The following PLXDC2 variants were observed in gnomAD, a reference collection of about 807,000 sequenced individuals.
PLXDC2 encodes plexin domain containing 2.
PLXDC2 carries 40 observed loss-of-function variants against 68.9 expected under a neutral mutation model. The observed-to-expected ratio is 0.58, with a 90% CI of 0.45 to 0.76. The LOEUF is 0.76. Among genes scored for constraint, PLXDC2 ranks in the 30% least tolerant of loss-of-function variants. The pLI, the probability that PLXDC2 is intolerant of heterozygous loss-of-function variation, is 0.00. For missense variants in PLXDC2, 644 were observed against 661.9 expected, an observed-to-expected ratio of 0.97 and a Z score of 0.30; for synonymous variants, 243 against 234.2, an observed-to-expected ratio of 1.04 and a Z score of -0.34.
rs563843802 is a variant in PLXDC2, at chr10:19,950,868, G to A, written c.113-50907G>A. Reference sequence around the variant, plus strand: ...GCCACATACCTACAACCATCTAATTGTTGACAGAGTTGACAGAAATAAGCA... The same window carrying A: ...GCCACATACCTACAACCATCTAATTATTGACAGAGTTGACAGAAATAAGCA... On this transcript the variant is annotated intron_variant, in intron 1 of 13. Coordinates refer to ENST00000377252, the MANE Select transcript of PLXDC2 (RefSeq NM_032812.9). Among the ~76,000 whole-genome samples the A allele has an allele frequency of 2.6e-5, 4 of 152,228 alleles. No individual in the cohort carries two copies. In the South Asian group the frequency reaches 8.3e-4, roughly 32 times the overall value.
rs988203138 is a variant in PLXDC2, at chr10:20,218,993, C to T, written c.1274-71C>T. The T allele has an allele frequency of 3.3e-6, 5 of 1,524,446 alleles. No homozygotes were observed. In the Admixed American group the frequency reaches 7.6e-5, roughly 23 times the overall value. 94.4% of individuals were successfully genotyped at this position (1,524,446 alleles called of 1,614,324 possible). On this transcript the variant is annotated intron_variant, in intron 11 of 13. Transcript: ENST00000377252. Reference sequence around the variant, plus strand: ...GACCAAGGCAGTTAGTAGACAATTACTAGTCATAAGATTTATGCTCCTTTG... The same window carrying T: ...GACCAAGGCAGTTAGTAGACAATTATTAGTCATAAGATTTATGCTCCTTTG...
chr10:20,176,976 AT>A (rs750410330), intron 7 of PLXDC2, 22 bp from the exon 8 acceptor site: 28 of 1,534,602 alleles, frequency 1.8e-5, no homozygotes, highest in African/African-American at 4.1e-5. Flanking sequence ...TTAAAAATTG[AT>A]TTTTTTTCCT....
chr10:19,889,294 A>G (rs1416705814), intron 1 of PLXDC2, among the ~76,000 whole-genome samples: 4 of 151,936 alleles, frequency 2.6e-5, no homozygotes, highest in Admixed American at 2.0e-4. Flanking sequence ...TATTTCTCTT[A>G]ATGACCATGT....
At chr10:20,150,078 T>C (rs1177537840) in intron 6 of PLXDC2, among the ~76,000 whole-genome samples, 1 of 152,202 alleles carries the variant, frequency 6.6e-6, no homozygotes, top group Non-Finnish European at 1.5e-5. Flanking sequence ...TTGCAATAGA[T>C]GAACCTACAT....
chr10:20,224,764 C>CA (rs1410344201), intron 12 of PLXDC2, among the ~76,000 whole-genome samples: 11 of 152,184 alleles, frequency 7.2e-5, no homozygotes, highest in African/African-American at 2.2e-4. Flanking sequence ...ATCAAAATAC[C>CA]AAAAACTGCA....
chr10:20,006,207 G>A (rs1207068650), intron 2 of PLXDC2, among the ~76,000 whole-genome samples: 1 of 152,028 alleles, frequency 6.6e-6, no homozygotes, highest in East Asian at 1.9e-4. Context: ...AAAGGCATTT[G>A]TGAACACGGT....
At chr10:20,257,130 A>G (rs1835752193) in intron 13 of PLXDC2, among the ~76,000 whole-genome samples, 1 of 152,160 alleles carries the variant, frequency 6.6e-6, no homozygotes, top group African/African-American at 2.4e-5. Context: ...ACTCATTGTA[A>G]AGACTTTCTG....
Position 19,817,148 on chromosome 10 carries a change from C to T in PLXDC2, c.69C>T (p.Asp23=). The T allele has an allele frequency of 1.9e-6, 3 of 1,576,586 alleles. No homozygotes were observed. Among genetic ancestry groups the T allele is most frequent in the Non-Finnish European group, 2.6e-6 (3 of 1,157,908 alleles). Residue 23 remains aspartate (D), a synonymous_variant, in exon 1 of 14, where the codon GAC becomes GAT. Transcript: ENST00000377252. Reference sequence around the variant, plus strand: ...TGTTACTTTGCCACTTCTTCACGGACCAGTTTCAGTTCGCCGATGGGAAAC... The same window carrying T: ...TGTTACTTTGCCACTTCTTCACGGATCAGTTTCAGTTCGCCGATGGGAAAC... ...GVMLLCHFFT[D]QFQFADGKPG... is the part of the protein sequence containing the mutation.
At chr10:20,266,980 C>G (rs1011395241) in intron 13 of PLXDC2, among the ~76,000 whole-genome samples, 1 of 152,114 alleles carries the variant, frequency 6.6e-6, no homozygotes, top group Non-Finnish European at 1.5e-5. Context: ...AAGGAAACAT[C>G]AAACGAAGTC....
At chr10:20,267,679 A>G (rs1181554982) in intron 13 of PLXDC2, among the ~76,000 whole-genome samples, 1 of 152,068 alleles carries the variant, frequency 6.6e-6, no homozygotes, top group East Asian at 1.9e-4. Flanking sequence ...TCCAAATGAA[A>G]AGAAGAAGGG....
intron 1 of PLXDC2, among the ~76,000 whole-genome samples, chr10:19,957,233 C>G (rs565517077): frequency 2.4e-4 from 36 of 152,180 alleles, no homozygotes; most frequent in African/African-American, 3.4e-4. Flanking sequence ...AGAGAGTATA[C>G]TATTGATGTG....
chr10:20,031,107 C>T (rs1221075688), intron 2 of PLXDC2, among the ~76,000 whole-genome samples: 2 of 152,112 alleles, frequency 1.3e-5, no homozygotes, highest in East Asian at 1.9e-4. Context: ...GTGGTTTATG[C>T]CTGTAATCCC....
intron 9 of PLXDC2, among the ~76,000 whole-genome samples, chr10:20,199,418 A>G (rs1401507822): frequency 6.6e-6 from 1 of 151,996 alleles, no homozygotes; most frequent in African/African-American, 2.4e-5. Context: ...GAAAAAAGAA[A>G]CATAAGTAAG....
chr10:20,226,687 G>A (rs543111914), intron 12 of PLXDC2, among the ~76,000 whole-genome samples: 5 of 152,178 alleles, frequency 3.3e-5, no homozygotes, highest in Admixed American at 2.6e-4. Context: ...GACACAGAAC[G>A]AGATGATATA....
chr10:20,082,045 G>GAA (rs1439512108), intron 4 of PLXDC2, among the ~76,000 whole-genome samples: 6 of 9,584 alleles, frequency 6.3e-4, no homozygotes, highest in African/African-American at 1.2e-3. Context: ...AACTCCATCT[G>GAA]AAAAAAAAAA....
chr10:20,047,774 T>C (rs1027365355), intron 3 of PLXDC2, among the ~76,000 whole-genome samples: 13 of 152,144 alleles, frequency 8.5e-5, no homozygotes, highest in Admixed American at 3.3e-4. Flanking sequence ...ACATCACACA[T>C]TGCAGATAAG....
At chr10:19,931,201 T>G (rs559972995) in intron 1 of PLXDC2, among the ~76,000 whole-genome samples, 1 of 152,322 alleles carries the variant, frequency 6.6e-6, no homozygotes, top group East Asian at 1.9e-4. Flanking sequence ...TCGGTTTTCC[T>G]TTGTGAGCTG....
At chr10:19,969,198 T>C (rs760964474) in intron 1 of PLXDC2, among the ~76,000 whole-genome samples, 5 of 152,228 alleles carry the variant, frequency 3.3e-5, no homozygotes, top group African/African-American at 4.8e-5. Context: ...GATGGACTTG[T>C]CTGTCTATAC....
intron 2 of PLXDC2, chr10:20,043,505 A>C (rs1835720022): frequency 6.6e-6 from 1 of 152,188 alleles, no homozygotes; most frequent in Non-Finnish European, 1.5e-5. Context: ...GAGATTAAGG[A>C]AAATGCCAAG....
Sources: allele counts gnomAD v4.1 joint callset (sites outside exome capture counted in the v4.1 genomes callset), GRCh38; gene constraint gnomAD v4.1.1; transcripts MANE v1.5; gene names NCBI Gene and HGNC (gene_info 2026-07-23, HGNC 2026-07-21).